Variants in SEC61B observed in about 807,000 individuals in gnomAD.
SEC61B encodes SEC61 translocon subunit beta, also known as protein transport protein Sec61 subunit beta.
Under a neutral mutation model 12.6 loss-of-function variants are expected in SEC61B, and 7 were observed. The observed-to-expected ratio is 0.55, with a 90% CI of 0.32 to 1.04. SEC61B has a LOEUF of 1.04. SEC61B is among the 50% of genes least tolerant of loss of function. The pLI, the probability that SEC61B is intolerant of heterozygous loss-of-function variation, is 0.05. For synonymous variants in SEC61B, 54 were observed against 50.1 expected (o/e 1.08, Z -0.33); for missense variants, 107 against 130.1 (o/e 0.82, Z 0.86).
At chr9:99,222,946 T>C (rs1028766896) in intron 2 of SEC61B, 1 of 282,540 alleles carries the variant, frequency 3.5e-6, no homozygotes, top group Non-Finnish European at 6.6e-6. Flanking sequence ...GCACTCACAT[T>C]TCCATCTGGC....
At chr9:99,227,334 G>T (rs1021483352) in intron 2 of SEC61B, among the ~76,000 whole-genome samples, 2 of 148,500 alleles carry the variant, frequency 1.3e-5, no homozygotes, top group South Asian at 4.3e-4. Flanking sequence ...TTTATAAAGT[G>T]TATACTCTAT....
At chr9:99,227,317 G>A (rs1249716078) in intron 2 of SEC61B, among the ~76,000 whole-genome samples, 2 of 122,466 alleles carry the variant, frequency 1.6e-5, no homozygotes, top group Admixed American at 1.6e-4. Flanking sequence ...ACATAACAAA[G>A]TAATTTTTTA....
At chr9:99,223,732 C>T (rs1459577397) in intron 2 of SEC61B, among the ~76,000 whole-genome samples, 2 of 152,224 alleles carry the variant, frequency 1.3e-5, no homozygotes, top group Non-Finnish European at 2.9e-5. Context: ...ATCCAGCACT[C>T]GTGAACCCAT....
chr9:99,228,731 T>C (rs115388815), intron 3 of SEC61B, among the ~76,000 whole-genome samples: 1 of 152,356 alleles, frequency 6.6e-6, no homozygotes, highest in African/African-American at 2.4e-5. Context: ...CTGATTTACA[T>C]AGCACTTTGT....
Position 99,227,957 on chromosome 9 carries a change from G to A in SEC61B, c.160G>A (p.Gly54Arg). Residue 54 changes from glycine to arginine, a missense_variant, in exon 3 of 4, where the codon GGG (glycine) becomes AGG (arginine). Gly to Arg is a moderately radical substitution (Grantham distance 125, BLOSUM62 -2). Transcript: ENST00000223641. ...AGRTTSAGTG[G>R]MWRFYTEDSP... ...CCGCACAACCTCGGCAGGCACCGGG[G>A]GGATGTGGCGATTCTACACAGAAGA... The A allele has an allele frequency of 6.2e-7, 1 of 1,614,120 alleles. No homozygotes were observed. Among genetic ancestry groups the A allele is most frequent in the Non-Finnish European group, 8.5e-7 (1 of 1,180,002 alleles).
At position 99,230,341 on chromosome 9, in the gene SEC61B, C is replaced by T; in HGVS notation, c.208C>T (p.Pro70Ser). Residue 70 changes from proline (P) to serine (S), a missense_variant, in exon 4 of 4, where the codon CCT (proline) becomes TCT (serine). Pro to Ser is a moderately conservative substitution (Grantham distance 74, BLOSUM62 -1). Transcript: ENST00000223641. Reference sequence around the variant, plus strand: ...GCTTTCTCTTCTTATTTCTAGTGGCCCTGTTCCAGTATTGGTTATGAGTCT... The same window carrying T: ...GCTTTCTCTTCTTATTTCTAGTGGCTCTGTTCCAGTATTGGTTATGAGTCT... ...TEDSPGLKVG[P>S]VPVLVMSLLF... 1.9e-6 allele frequency: 3 copies of T among 1,593,820 alleles called. No homozygotes were observed. Among genetic ancestry groups the T allele is most frequent in the Non-Finnish European group, 2.6e-6 (3 of 1,167,030 alleles).
intron 2 of SEC61B, among the ~76,000 whole-genome samples, chr9:99,225,358 C>G (rs945424887): frequency 2.0e-5 from 3 of 152,126 alleles, no homozygotes; most frequent in Non-Finnish European, 2.9e-5. Flanking sequence ...ATAGGGTGTT[C>G]ACAGTAGGTA....
intron 2 of SEC61B, among the ~76,000 whole-genome samples, chr9:99,226,528 G>T (rs1828897733): frequency 6.6e-6 from 1 of 152,196 alleles, no homozygotes; most frequent in South Asian, 2.1e-4. Flanking sequence ...ATTTGATGCT[G>T]AATGGTGCAG....
At chr9:99,224,622 C>G (rs1450046869) in intron 2 of SEC61B, among the ~76,000 whole-genome samples, 2 of 152,146 alleles carry the variant, frequency 1.3e-5, no homozygotes, top group Non-Finnish European at 2.9e-5. Context: ...CAGACAGATG[C>G]AGTTTTTAAA....
intron 3 of SEC61B, 59 bp downstream of exon 3, chr9:99,228,059 GCA>G: frequency 7.6e-7 from 1 of 1,311,126 alleles, no homozygotes; most frequent in South Asian, 1.2e-5. Flanking sequence ...AGCAGTGGCA[GCA>G]CTCTGTCTCT....
chr9:99,223,700 A>G lies in SEC61B; in HGVS notation c.101+1057A>G, dbSNP rs555970554. Among the ~76,000 whole-genome samples, 10 of 152,308 alleles carry G rather than the reference A, an allele frequency of 6.6e-5. No homozygotes were observed. In the East Asian group the frequency reaches 1.9e-3, roughly 29 times the overall value. On this transcript the variant is annotated intron_variant, in intron 2 of 3. Coordinates refer to ENST00000223641, the MANE Select transcript of SEC61B (RefSeq NM_006808.3). ...AGCCACTGCGCCCGGCCTTCAGCCT[A>G]ATCTTTCTTTGCTGTCCTATGATCC...
At chr9:99,225,034 G>T (rs771080178) in intron 2 of SEC61B, among the ~76,000 whole-genome samples, 8 of 152,178 alleles carry the variant, frequency 5.3e-5, no homozygotes, top group Non-Finnish European at 1.2e-4. Flanking sequence ...AACTGTAAAG[G>T]TGTGAAGTGC....
At chr9:99,224,345 G>A (rs7036164) in intron 2 of SEC61B, among the ~76,000 whole-genome samples, 43,502 of 152,000 alleles carry the variant, frequency 0.29, 6,488 homozygotes, top group South Asian at 0.4. Context: ...GGCTTTGAGT[G>A]CTGTCCCCTT....
chr9:99,226,406 G>A (rs1453713587), intron 2 of SEC61B, among the ~76,000 whole-genome samples: 2 of 152,146 alleles, frequency 1.3e-5, no homozygotes, highest in African/African-American at 4.8e-5. Context: ...GAGATGGTAG[G>A]GATAGGGTTT....
chr9:99,227,561 TG>T (rs1828913222), intron 2 of SEC61B, among the ~76,000 whole-genome samples: 3 of 152,222 alleles, frequency 2.0e-5, no homozygotes. Flanking sequence ...GTTTTGGGCA[TG>T]CAGATGGGCT....
At chr9:99,222,442 T>C in intron 1 of SEC61B, 76 bp downstream of exon 1, 2 of 1,610,348 alleles carry the variant, frequency 1.2e-6, no homozygotes, top group South Asian at 2.2e-5. Flanking sequence ...GCTTTTCCTC[T>C]GTAGCTCCCT....
At chr9:99,222,913 T>C in intron 2 of SEC61B, 1 of 368,328 alleles carries the variant, frequency 2.7e-6, no homozygotes, top group Non-Finnish European at 4.9e-6. Flanking sequence ...GTCATTAAAC[T>C]GGTGTCTCTG....
intron 2 of SEC61B, among the ~76,000 whole-genome samples, chr9:99,225,568 G>GA (rs1828884930): frequency 6.6e-6 from 1 of 152,318 alleles, no homozygotes; most frequent in African/African-American, 2.4e-5. Flanking sequence ...TTGAGGTATA[G>GA]AAGGGAGAGA....
At chr9:99,222,518 C>A in intron 1 of SEC61B, 28 bp from the exon 2 acceptor site, 1 of 1,602,748 alleles carries the variant, frequency 6.2e-7, no homozygotes, top group East Asian at 2.2e-5. Context: ...CCGCGCTCAC[C>A]CGTCTGTCTG....
Sources: gnomAD v4.1 joint callset for allele counts (sites outside exome capture counted in the v4.1 genomes callset) on GRCh38, gnomAD v4.1.1 for gene constraint, MANE v1.5 for transcripts, NCBI Gene and HGNC (gene_info 2026-07-23, HGNC 2026-07-21) for gene names.